The following PAG1 variants were observed in gnomAD, a reference collection of about 807,000 sequenced individuals.
PAG1 encodes phosphoprotein associated with glycosphingolipid-enriched microdomains 1.
In PAG1, 23 loss-of-function variants were observed where a neutral mutation model predicts 31.7. That is an observed-to-expected ratio of 0.73 (90% confidence interval 0.52 to 1.03). PAG1 has a LOEUF of 1.03. Ranked by LOEUF, PAG1 falls within the 50% of genes least tolerant of loss-of-function variation. The pLI is 0.00. For synonymous variants in PAG1, 214 were observed against 210.3 expected, an observed-to-expected ratio of 1.02 and a Z score of -0.15; for missense variants, 473 against 540.7, an observed-to-expected ratio of 0.87 and a Z score of 1.24.
intron 3 of PAG1, among the ~76,000 whole-genome samples, chr8:80,994,907 T>C (rs1468002375): frequency 2.6e-5 from 4 of 152,256 alleles, no homozygotes; most frequent in East Asian, 1.9e-4. Context: ...TTTTTGATAA[T>C]AGTGCAATAT....
At chr8:81,011,783 G>A (rs1034435889) in intron 3 of PAG1, among the ~76,000 whole-genome samples, 1 of 152,208 alleles carries the variant, frequency 6.6e-6, no homozygotes, top group African/African-American at 2.4e-5. Flanking sequence ...GATTCACAGT[G>A]CCAGCTACTT....
chr8:81,088,715 C>G (rs1332789859), intron 1 of PAG1, among the ~76,000 whole-genome samples: 2 of 152,116 alleles, frequency 1.3e-5, no homozygotes, highest in Non-Finnish European at 2.9e-5. Context: ...ACTAACCCCA[C>G]CACCCACCTT....
At chr8:81,069,689 G>A (rs1006213137) in intron 2 of PAG1, among the ~76,000 whole-genome samples, 31 of 152,310 alleles carry the variant, frequency 2.0e-4, no homozygotes, top group Admixed American at 1.6e-3. Flanking sequence ...TTTTGGTGGT[G>A]GTGGCAGTGA....
At chr8:81,090,249 C>A (rs1809423803) in intron 1 of PAG1, among the ~76,000 whole-genome samples, 1 of 152,146 alleles carries the variant, frequency 6.6e-6, no homozygotes, top group South Asian at 2.1e-4. Flanking sequence ...TATTCTATGT[C>A]CCTGGGGTGG....
chr8:81,007,985 C>T (rs1468268475), intron 3 of PAG1, among the ~76,000 whole-genome samples: 2 of 151,968 alleles, frequency 1.3e-5, no homozygotes, highest in African/African-American at 2.4e-5. Flanking sequence ...GTTTTTAGGA[C>T]AAAAAGAAAA....
chr8:81,090,154 A>G (rs1019067876), intron 1 of PAG1, among the ~76,000 whole-genome samples: 1 of 152,164 alleles, frequency 6.6e-6, no homozygotes, highest in African/African-American at 2.4e-5. Flanking sequence ...CATGTCCCAC[A>G]ATTTTTCTAC....
At chr8:81,024,676 G>T (rs977439835) in intron 3 of PAG1, among the ~76,000 whole-genome samples, 10 of 152,204 alleles carry the variant, frequency 6.6e-5, no homozygotes, top group African/African-American at 4.8e-5. Context: ...ACTGGGAACA[G>T]TTGTTTCTTT....
chr8:81,052,771 G>A (rs1808754555), intron 2 of PAG1, among the ~76,000 whole-genome samples: 1 of 152,120 alleles, frequency 6.6e-6, no homozygotes, highest in African/African-American at 2.4e-5. Context: ...TTTGCTCAGA[G>A]GATTAGAATT....
At chr8:81,069,026 G>A (rs12676670) in intron 2 of PAG1, among the ~76,000 whole-genome samples, 57,428 of 152,046 alleles carry the variant, frequency 0.38, 12,123 homozygotes, top group East Asian at 0.67. Flanking sequence ...GAGATCAGAG[G>A]AAGGCGTTTT....
intron 3 of PAG1, among the ~76,000 whole-genome samples, chr8:81,004,972 C>A (rs957230109): frequency 6.6e-6 from 1 of 152,214 alleles, no homozygotes; most frequent in East Asian, 1.9e-4. Flanking sequence ...CTACCTCCCC[C>A]ACTTTCTGAA....
At chr8:81,075,080 C>T (rs57020262) in intron 1 of PAG1, among the ~76,000 whole-genome samples, 2,911 of 152,314 alleles carry the variant, frequency 0.019, 85 homozygotes, top group African/African-American at 0.067. Flanking sequence ...AGGTACCTAT[C>T]TCCACTCTCG....
At chr8:81,079,709 A>G (rs532540841) in intron 1 of PAG1, among the ~76,000 whole-genome samples, 2 of 147,466 alleles carry the variant, frequency 1.4e-5, no homozygotes, top group Admixed American at 1.3e-4. Context: ...CAGAAGAAAT[A>G]CTTATTATTA....
chr8:81,008,766 C>T (rs182122502), intron 3 of PAG1, among the ~76,000 whole-genome samples: 328 of 152,144 alleles, frequency 2.2e-3, no homozygotes, highest in Non-Finnish European at 3.3e-3. Context: ...TACCAACATC[C>T]TCCAGGACTG....
chr8:81,056,664 G>A (rs1248306824), intron 2 of PAG1, among the ~76,000 whole-genome samples: 7 of 152,162 alleles, frequency 4.6e-5, no homozygotes, highest in African/African-American at 1.4e-4. Context: ...GCACGGGCAA[G>A]GACTTCATGT....
chr8:81,085,972 GTTTTTTTT>G (rs869177030), intron 1 of PAG1, among the ~76,000 whole-genome samples: 49 of 58,904 alleles, frequency 8.3e-4, no homozygotes, highest in African/African-American at 2.7e-3. Flanking sequence ...AATCTGGCTT[GTTTTTTTT>G]TTTTTTTTTT....
At chr8:81,001,469 G>C (rs1349395013) in intron 3 of PAG1, among the ~76,000 whole-genome samples, 1 of 152,146 alleles carries the variant, frequency 6.6e-6, no homozygotes, top group Non-Finnish European at 1.5e-5. Context: ...ACCTACAAAA[G>C]CCTGCTTGCC....
chr8:81,070,390 C>A (rs1358532669), intron 1 of PAG1, among the ~76,000 whole-genome samples: 5 of 152,140 alleles, frequency 3.3e-5, no homozygotes, highest in African/African-American at 1.2e-4. Context: ...AACATCCAGA[C>A]CTAAACATTA....
intron 3 of PAG1, among the ~76,000 whole-genome samples, chr8:81,012,173 T>C (rs1807997219): frequency 1.3e-5 from 2 of 152,164 alleles, no homozygotes; most frequent in African/African-American, 2.4e-5. Context: ...ATCTTATCCT[T>C]CCATTATTAC....
chr8:81,043,559 A>T (rs1296823350), intron 2 of PAG1, among the ~76,000 whole-genome samples: 3 of 152,242 alleles, frequency 2.0e-5, no homozygotes, highest in Non-Finnish European at 4.4e-5. Flanking sequence ...ACTATAGAAC[A>T]TTCAATGAAT....
Sources: gnomAD v4.1 joint callset for allele counts (sites outside exome capture counted in the v4.1 genomes callset) on GRCh38, gnomAD v4.1.1 for gene constraint, MANE v1.5 for transcripts, NCBI Gene and HGNC (gene_info 2026-07-23, HGNC 2026-07-21) for gene names.